Variants in PKIB observed in about 807,000 individuals in gnomAD.
The protein encoded by PKIB is cAMP-dependent protein kinase inhibitor beta.
A neutral mutation model predicts 4.5 loss-of-function variants in PKIB; 2 were observed. The observed-to-expected ratio is 0.44, with a 90% CI of 0.18 to 1.39. The LOEUF is 1.39. PKIB is among the 40% of genes most tolerant of loss of function. The pLI, the probability that PKIB is intolerant of heterozygous loss-of-function variation, is 0.27. For synonymous variants in PKIB, 38 were observed against 36.0 expected, an observed-to-expected ratio of 1.06 and a Z score of -0.20; for missense variants, 94 against 92.6, an observed-to-expected ratio of 1.02 and a Z score of -0.06.
intron 2 of PKIB, among the ~76,000 whole-genome samples, chr6:122,533,716 T>C (rs570268095): frequency 7.2e-5 from 11 of 152,326 alleles, no homozygotes; most frequent in East Asian, 5.8e-4. Flanking sequence ...AATTTACAAC[T>C]CTAAAGCTAA....
At chr6:122,631,871 A>C (rs1308236750) in intron 1 of PKIB, among the ~76,000 whole-genome samples, 1 of 152,232 alleles carries the variant, frequency 6.6e-6, no homozygotes, top group Non-Finnish European at 1.5e-5. Context: ...TAGAGTGGCT[A>C]ACATAATGAT....
intron 2 of PKIB, among the ~76,000 whole-genome samples, chr6:122,486,114 G>A (rs776932141): frequency 1.3e-4 from 20 of 152,088 alleles, no homozygotes; most frequent in Non-Finnish European, 2.5e-4. Context: ...AAATGTAGCT[G>A]ATAAATTGAA....
intron 1 of PKIB, among the ~76,000 whole-genome samples, chr6:122,476,660 T>G (rs1275304235): frequency 1.3e-5 from 2 of 152,150 alleles, no homozygotes; most frequent in African/African-American, 4.8e-5. Context: ...ATATTCACTG[T>G]GTAAATAATA....
chr6:122,651,526 A>G (rs917613566), intron 2 of PKIB, among the ~76,000 whole-genome samples: 1 of 152,196 alleles, frequency 6.6e-6, no homozygotes, highest in African/African-American at 2.4e-5. Flanking sequence ...AGATTTTTCT[A>G]TTGGCAAATA....
intron 3 of PKIB, 139 bp downstream of exon 3, chr6:122,675,283 T>C (rs1026574983): frequency 1.3e-5 from 2 of 152,358 alleles, no homozygotes; most frequent in African/African-American, 4.8e-5. Context: ...GTAATACATA[T>C]GCAAAAATCT....
chr6:122,524,274 T>C (rs967448439), intron 2 of PKIB, among the ~76,000 whole-genome samples: 2 of 149,100 alleles, frequency 1.3e-5, no homozygotes, highest in African/African-American at 2.5e-5. Flanking sequence ...TCCTCCTCCT[T>C]CTTGTTCTTC....
intron 3 of PKIB, among the ~76,000 whole-genome samples, chr6:122,692,094 C>T (rs2115002712): frequency 6.6e-6 from 1 of 152,346 alleles, no homozygotes; most frequent in East Asian, 1.9e-4. Context: ...AAGGGTGACA[C>T]AAGCACCCCT....
intron 2 of PKIB, among the ~76,000 whole-genome samples, chr6:122,563,974 TC>T (rs919965184): frequency 6.6e-6 from 1 of 152,140 alleles, no homozygotes; most frequent in African/African-American, 2.4e-5. Flanking sequence ...CAAGGAGGCT[TC>T]TCATCGGGTT....
chr6:122,710,234 T>C (rs1779219104), intron 3 of PKIB, among the ~76,000 whole-genome samples: 1 of 152,144 alleles, frequency 6.6e-6, no homozygotes, highest in African/African-American at 2.4e-5. Context: ...CCTACTGATG[T>C]CATAAACCGC....
chr6:122,721,606 A>G (rs1779745738), intron 4 of PKIB, among the ~76,000 whole-genome samples: 1 of 152,166 alleles, frequency 6.6e-6, no homozygotes, highest in African/African-American at 2.4e-5. Context: ...AGGAGTAGAA[A>G]AGGCAGTTGA....
At chr6:122,514,818 C>G (rs924708611) in intron 2 of PKIB, among the ~76,000 whole-genome samples, 2 of 152,152 alleles carry the variant, frequency 1.3e-5, no homozygotes, top group Non-Finnish European at 2.9e-5. Flanking sequence ...CACCCCTTCC[C>G]CTATTATGTA....
chr6:122,711,397 C>T (rs1389870998), intron 3 of PKIB, among the ~76,000 whole-genome samples: 1 of 152,142 alleles, frequency 6.6e-6, no homozygotes, highest in Non-Finnish European at 1.5e-5. Context: ...TATATTGATG[C>T]ATCACTTAAG....
In PKIB at chr6:122,675,419, A is replaced by G. The variant is rs1390211252; in HGVS notation, c.-9+275A>G. ...ATTTCTCTTTGATGATGTCTTTTTC[A>G]TTATCGTTTTTCCTTTTGTGAAGAT... On this transcript the variant is annotated intron_variant, in intron 3 of 4. Transcript: ENST00000368452. Among the ~76,000 whole-genome samples the G allele has an allele frequency of 3.3e-5, 5 of 152,234 alleles. No homozygotes were observed. The East Asian group carries it at 7.7e-4, about 24-fold the overall frequency.
intron 3 of PKIB, among the ~76,000 whole-genome samples, chr6:122,698,596 A>G (rs1421084910): frequency 6.6e-6 from 1 of 152,156 alleles, no homozygotes; most frequent in African/African-American, 2.4e-5. Flanking sequence ...TATGACCATC[A>G]CAGGTGGCCT....
chr6:122,694,853 G>C (rs1778504580), intron 3 of PKIB, among the ~76,000 whole-genome samples: 1 of 152,152 alleles, frequency 6.6e-6, no homozygotes. Context: ...CTTAATTAAA[G>C]CTTTCAAGGG....
At chr6:122,704,688 C>A (rs188321795) in intron 3 of PKIB, among the ~76,000 whole-genome samples, 1 of 151,718 alleles carries the variant, frequency 6.6e-6, no homozygotes, top group East Asian at 1.9e-4. Flanking sequence ...TATGCAGTGT[C>A]ATGTTAATGG....
At chr6:122,622,936 T>C (rs1582748270) in intron 1 of PKIB, among the ~76,000 whole-genome samples, 1 of 152,214 alleles carries the variant, frequency 6.6e-6, no homozygotes, top group Non-Finnish European at 1.5e-5. Context: ...ATACTTTGAT[T>C]TCAGTTTCTT....
intron 3 of PKIB, among the ~76,000 whole-genome samples, chr6:122,599,984 TC>T (rs1173744333): frequency 1.5e-4 from 12 of 81,032 alleles, no homozygotes; most frequent in African/African-American, 8.1e-4. Context: ...TATATCTATA[TC>T]TATATCTATA....
chr6:122,566,448 CAT>C (rs1425931948), intron 2 of PKIB, among the ~76,000 whole-genome samples: 60 of 152,150 alleles, frequency 3.9e-4, no homozygotes, highest in Non-Finnish European at 8.8e-5. Context: ...CCTCAAAACT[CAT>C]ATGTAGATAA....
Sources: allele counts gnomAD v4.1 joint callset (sites outside exome capture counted in the v4.1 genomes callset), GRCh38; gene constraint gnomAD v4.1.1; transcripts MANE v1.5; gene names NCBI Gene and HGNC (gene_info 2026-07-23, HGNC 2026-07-21).